Variants in PLA2G4A observed in about 807,000 individuals in gnomAD.
PLA2G4A encodes cytosolic phospholipase A2.
PLA2G4A carries 40 observed loss-of-function variants against 81.9 expected under a neutral mutation model. The observed-to-expected ratio is 0.49, with a 90% CI of 0.38 to 0.64. The LOEUF is 0.64. PLA2G4A is among the 30% of genes least tolerant of loss of function. PLA2G4A has a pLI of 0.00. For missense variants in PLA2G4A, 715 were observed against 905.1 expected (o/e 0.79, Z 2.69); for synonymous variants, 302 against 296.9 (o/e 1.02, Z -0.18).
intron 1 of PLA2G4A, among the ~76,000 whole-genome samples, chr1:186,838,947 C>T (rs1278659575): frequency 6.6e-6 from 1 of 152,168 alleles, no homozygotes; most frequent in African/African-American, 2.4e-5. Flanking sequence ...CTAAAAGTCA[C>T]TTCCTTTTCT....
At chr1:186,962,510 A>G (rs1367655560) in intron 14 of PLA2G4A, among the ~76,000 whole-genome samples, 3 of 148,798 alleles carry the variant, frequency 2.0e-5, no homozygotes, top group Non-Finnish European at 3.0e-5. Flanking sequence ...TTATTTATTT[A>G]TTTATTTATT....
intron 2 of PLA2G4A, among the ~76,000 whole-genome samples, chr1:186,863,520 T>C (rs1652893275): frequency 6.6e-6 from 1 of 152,132 alleles, no homozygotes; most frequent in African/African-American, 2.4e-5. Context: ...CTCTTCTATT[T>C]TGAAATATGC....
At chr1:186,963,251 C>T (rs1657022049) in intron 14 of PLA2G4A, among the ~76,000 whole-genome samples, 1 of 152,110 alleles carries the variant, frequency 6.6e-6, no homozygotes, top group Non-Finnish European at 1.5e-5. Context: ...AAGATGTTCA[C>T]ATATGTAATT....
At chr1:186,988,279 A>G in intron 17 of PLA2G4A, 98 bp from the exon 18 acceptor site, 1 of 900,976 alleles carries the variant, frequency 1.1e-6, no homozygotes, top group Non-Finnish European at 1.7e-6. Context: ...CAAAAGGAAT[A>G]CTCTAATAAA....
chr1:186,986,315 T>C (rs1657890724), intron 17 of PLA2G4A, among the ~76,000 whole-genome samples: 1 of 152,230 alleles, frequency 6.6e-6, no homozygotes, highest in South Asian at 2.1e-4. Flanking sequence ...ATGGTCTTTT[T>C]TATTTTAAAG....
chr1:186,872,114 T>C (rs1050821256), intron 3 of PLA2G4A, among the ~76,000 whole-genome samples: 1 of 152,144 alleles, frequency 6.6e-6, no homozygotes, highest in African/African-American at 2.4e-5. Flanking sequence ...TGGCAATTTC[T>C]TCAAAACTAG....
chr1:186,870,686 A>G, intron 3 of PLA2G4A, 170 bp downstream of exon 3: 1 of 1,492,410 alleles, frequency 6.7e-7, no homozygotes, highest in Non-Finnish European at 9.2e-7. Flanking sequence ...CTGTCAGATT[A>G]GCATTTTACC....
In PLA2G4A at chr1:186,932,806, C is replaced by A. The variant is rs771536222; in HGVS notation, c.602C>A (p.Ala201Asp). 1 of 1,613,206 alleles carries A rather than the reference C, an allele frequency of 6.2e-7. No individual in the cohort carries two copies. Among genetic ancestry groups the A allele is most frequent in the South Asian group, 1.1e-5 (1 of 91,054 alleles). Residue 201 changes from alanine (A) to aspartate (D), a missense_variant, in exon 8 of 18, where the codon GCC (alanine) becomes GAC (aspartate). Physicochemically the swap from Ala to Asp is moderately radical, Grantham distance 126. Transcript: ENST00000367466. ...TTGGGTTCAGGTGGGGGTTTCCGAG[C>A]CATGGTGGGATTCTCTGGTGTGATG... is the stretch of plus-strand genomic sequence containing the variant. ...AILGSGGGFR[A>D]MVGFSGVMKA... is the part of the protein sequence containing the mutation.
chr1:186,974,202 C>T (rs1462845106), intron 15 of PLA2G4A, among the ~76,000 whole-genome samples: 1 of 151,920 alleles, frequency 6.6e-6, no homozygotes, highest in Non-Finnish European at 1.5e-5. Context: ...TTACAAATAA[C>T]ATTTATTTAC....
intron 1 of PLA2G4A, among the ~76,000 whole-genome samples, chr1:186,840,102 CT>C (rs1205289809): frequency 6.6e-6 from 1 of 150,824 alleles, no homozygotes; most frequent in Admixed American, 6.6e-5. Context: ...CTGTAATCCC[CT>C]GAGTAGGTGG....
intron 15 of PLA2G4A, among the ~76,000 whole-genome samples, chr1:186,975,576 C>A (rs1385769223): frequency 6.6e-6 from 1 of 152,160 alleles, no homozygotes; most frequent in Non-Finnish European, 1.5e-5. Flanking sequence ...ATGGTATTAG[C>A]TTTATTTTAC....
intron 2 of PLA2G4A, among the ~76,000 whole-genome samples, chr1:186,864,737 G>T (rs931235804): frequency 2.0e-5 from 3 of 150,922 alleles, no homozygotes; most frequent in Non-Finnish European, 4.4e-5. Flanking sequence ...ATTAAAAGAG[G>T]ACTTAAAATC....
intron 2 of PLA2G4A, among the ~76,000 whole-genome samples, chr1:186,862,223 C>CTTTTTCTTTTTTT (rs1652829770): frequency 7.9e-6 from 1 of 126,308 alleles, no homozygotes; most frequent in South Asian, 2.4e-4. Flanking sequence ...TAGTTATGAA[C>CTTTTTCTTTTTTT]TTTTTTTTTG....
chr1:186,982,068 G>A (rs74135210), intron 17 of PLA2G4A, among the ~76,000 whole-genome samples: 4,817 of 152,264 alleles, frequency 0.032, 270 homozygotes, highest in African/African-American at 0.11. Context: ...ATAGACTGTA[G>A]ATCTGAGTAT....
intron 3 of PLA2G4A, among the ~76,000 whole-genome samples, chr1:186,881,383 C>G (rs573060887): frequency 6.6e-6 from 1 of 152,048 alleles, no homozygotes; most frequent in Non-Finnish European, 1.5e-5. Flanking sequence ...GTTGTAAAAT[C>G]TTTACTCCTT....
chr1:186,896,448 A>C (rs867266074), intron 5 of PLA2G4A, among the ~76,000 whole-genome samples: 1 of 152,184 alleles, frequency 6.6e-6, no homozygotes, highest in South Asian at 2.1e-4. Context: ...GAGAGTGTAG[A>C]GGTGGTCAAA....
intron 8 of PLA2G4A, among the ~76,000 whole-genome samples, chr1:186,937,071 T>C (rs1207949244): frequency 6.6e-6 from 1 of 151,590 alleles, no homozygotes; most frequent in Non-Finnish European, 1.5e-5. Flanking sequence ...CTCAGTTAGA[T>C]GTAACTGCAG....
At chr1:186,953,225 A>T (rs970595163) in intron 13 of PLA2G4A, among the ~76,000 whole-genome samples, 24 of 152,308 alleles carry the variant, frequency 1.6e-4, no homozygotes, top group African/African-American at 5.8e-4. Context: ...TCTTTTAAAC[A>T]TTTGGTATTA....
intron 5 of PLA2G4A, among the ~76,000 whole-genome samples, chr1:186,894,700 G>C (rs1341752807): frequency 6.6e-6 from 1 of 152,138 alleles, no homozygotes; most frequent in Non-Finnish European, 1.5e-5. Flanking sequence ...AGTAAATAGG[G>C]ACAAAGCAGT....
Sources: gnomAD v4.1 joint callset for allele counts (sites outside exome capture counted in the v4.1 genomes callset) on GRCh38, gnomAD v4.1.1 for gene constraint, MANE v1.5 for transcripts, NCBI Gene and HGNC (gene_info 2026-07-23, HGNC 2026-07-21) for gene names.